AGBL4: variants seen among roughly 807,000 people sequenced by gnomAD.
The protein encoded by AGBL4 is AGBL carboxypeptidase 4, also known as cytosolic carboxypeptidase 6.
Under a neutral mutation model 66.4 loss-of-function variants are expected in AGBL4, and 58 were observed. That is an observed-to-expected ratio of 0.87 (90% CI 0.71 to 1.09). The LOEUF is 1.09. AGBL4 is among the 50% of genes least tolerant of loss of function. AGBL4 has a pLI of 0.00. For missense variants in AGBL4, 579 were observed against 631.0 expected (o/e 0.92, Z 0.88); for synonymous variants, 234 against 222.9 (o/e 1.05, Z -0.44).
intron 5 of AGBL4, among the ~76,000 whole-genome samples, chr1:49,008,016 A>C (rs527846466): frequency 5.2e-4 from 79 of 152,276 alleles, no homozygotes; most frequent in African/African-American, 1.5e-3. Context: ...GGATCAAATT[A>C]ACACATAACG....
chr1:49,765,687 A>G (rs948281500), intron 2 of AGBL4, among the ~76,000 whole-genome samples: 4 of 152,134 alleles, frequency 2.6e-5, no homozygotes, highest in Non-Finnish European at 5.9e-5. Flanking sequence ...TGCTGAAAAC[A>G]CAAAAAAGCT....
intron 5 of AGBL4, among the ~76,000 whole-genome samples, chr1:48,929,554 A>T (rs896723709): frequency 3.3e-5 from 5 of 152,200 alleles, no homozygotes; most frequent in Non-Finnish European, 5.9e-5. Context: ...CTTTTCACTC[A>T]TGGCAACTTG....
chr1:49,973,836 T>C (rs1658344153), intron 1 of AGBL4, among the ~76,000 whole-genome samples: 1 of 151,472 alleles, frequency 6.6e-6, no homozygotes, highest in African/African-American at 2.4e-5. Flanking sequence ...TTAACATGAT[T>C]TTATTGAATT....
intron 2 of AGBL4, among the ~76,000 whole-genome samples, chr1:49,797,259 A>G (rs1387867493): frequency 6.6e-6 from 1 of 152,174 alleles, no homozygotes; most frequent in Non-Finnish European, 1.5e-5. Flanking sequence ...AAGTTGCACA[A>G]ATCAGTGATG....
chr1:49,268,552 C>T (rs760651316), intron 3 of AGBL4, among the ~76,000 whole-genome samples: 5 of 152,012 alleles, frequency 3.3e-5, no homozygotes, highest in Non-Finnish European at 7.4e-5. Flanking sequence ...CTGCCTCAGA[C>T]TCCCAAGTAA....
rs556747638 is a variant in AGBL4, at chr1:49,510,735, T to C, written c.282+186578A>G. ...GTTTTAGGTCTAATGTTTAAGTCTT[T>C]AATCCAACTTGAATTGATTTTTGTA... On this transcript the variant is annotated intron_variant, in intron 3 of 13. Transcript: ENST00000371839. Among the ~76,000 whole-genome samples the C allele has an allele frequency of 1.2e-4, 18 of 152,016 alleles. No homozygotes were observed. The East Asian group carries it at 3.5e-3, about 29-fold the overall frequency.
chr1:48,749,917 G>C (rs923473333), intron 6 of AGBL4, among the ~76,000 whole-genome samples: 1 of 152,218 alleles, frequency 6.6e-6, no homozygotes, highest in Non-Finnish European at 1.5e-5. Context: ...GGGTTGGGGG[G>C]CTAAGGAGTT....
intron 3 of AGBL4, among the ~76,000 whole-genome samples, chr1:49,650,339 G>C (rs1011472184): frequency 6.6e-6 from 1 of 152,148 alleles, no homozygotes; most frequent in East Asian, 1.9e-4. Flanking sequence ...CCACAGAAAG[G>C]GTAAGTGAGA....
intron 5 of AGBL4, among the ~76,000 whole-genome samples, chr1:48,896,465 T>C (rs893908364): frequency 2.0e-5 from 3 of 152,260 alleles, no homozygotes; most frequent in Non-Finnish European, 4.4e-5. Flanking sequence ...AGCTGGCCTA[T>C]GTAGCTTAAT....
rs115294095 is a variant in AGBL4, at chr1:49,308,918, T to C, written c.283-63054A>G. 7.1e-3 allele frequency among the ~76,000 whole-genome samples: 1,076 copies of C among 152,268 alleles called. 18 individuals carry two copies. Among genetic ancestry groups the C allele is most frequent in the African/African-American group, 0.025 (1,042 of 41,560 alleles). On this transcript the variant is annotated intron_variant, in intron 3 of 13. Transcript: ENST00000371839. ...AATTAATCTCACTGAATCAGACAGA[T>C]TGCATCCAGGTTATACCTCTCAGAC...
At chr1:49,850,001 A>G (rs1166061088) in intron 2 of AGBL4, among the ~76,000 whole-genome samples, 1 of 152,212 alleles carries the variant, frequency 6.6e-6, no homozygotes, top group Non-Finnish European at 1.5e-5. Flanking sequence ...CAAGATTTAT[A>G]GAAAATAAAA....
intron 4 of AGBL4, among the ~76,000 whole-genome samples, chr1:49,159,042 TG>T (rs991807918): frequency 1.3e-5 from 2 of 151,252 alleles, no homozygotes; most frequent in African/African-American, 4.9e-5. Flanking sequence ...GTCTTTTAAT[TG>T]GGGCATTTAG....
intron 9 of AGBL4, among the ~76,000 whole-genome samples, chr1:48,633,999 C>G (rs1645630273): frequency 6.6e-6 from 1 of 152,202 alleles, no homozygotes; most frequent in South Asian, 2.1e-4. Context: ...GTCCTCCCGA[C>G]TAGGTCAATC....
chr1:49,777,283 ACAC>A (rs1644222276), intron 2 of AGBL4, among the ~76,000 whole-genome samples: 1 of 152,144 alleles, frequency 6.6e-6, no homozygotes, highest in Non-Finnish European at 1.5e-5. Flanking sequence ...TAGCTTTATA[ACAC>A]TGTTTAAATT....
At chr1:48,908,728 G>C (rs1212007603) in intron 5 of AGBL4, among the ~76,000 whole-genome samples, 1 of 151,944 alleles carries the variant, frequency 6.6e-6, no homozygotes, top group African/African-American at 2.4e-5. Flanking sequence ...AGGGAGGGCT[G>C]GTAATGAAAC....
In AGBL4 at chr1:48,749,680, C is replaced by A. The variant is rs115949629; in HGVS notation, c.635-86439G>T. 1.6e-3 allele frequency among the ~76,000 whole-genome samples: 247 copies of A among 152,214 alleles called. 1 individual carries two copies. Among genetic ancestry groups the A allele is most frequent in the Non-Finnish European group, 2.4e-3 (161 of 68,014 alleles). ...AAAAGCCCCACAATCATGAGGGGTG[C>A]GGTGGAAGGGGAATAGGTTGTCACC... On this transcript the variant is annotated intron_variant, in intron 6 of 13. Transcript: ENST00000371839.
At chr1:49,740,809 A>C (rs1259109320) in intron 2 of AGBL4, among the ~76,000 whole-genome samples, 1 of 152,226 alleles carries the variant, frequency 6.6e-6, no homozygotes, top group Admixed American at 6.5e-5. Context: ...TACTGGGTAC[A>C]TAACGAAATG....
intron 1 of AGBL4, among the ~76,000 whole-genome samples, chr1:49,931,192 C>G (rs1653311870): frequency 6.6e-6 from 1 of 151,916 alleles, no homozygotes; most frequent in Non-Finnish European, 1.5e-5. Flanking sequence ...TAAATTTGAA[C>G]AAAGACATAC....
intron 1 of AGBL4, among the ~76,000 whole-genome samples, chr1:49,948,372 AATATATAAAT>A (rs1364172693): frequency 1.1e-4 from 12 of 106,388 alleles, no homozygotes; most frequent in South Asian, 8.1e-4. Context: ...AAATACATAA[AATATATAAAT>A]ATATATAAAT....
Sources: allele counts gnomAD v4.1 joint callset (sites outside exome capture counted in the v4.1 genomes callset), GRCh38; gene constraint gnomAD v4.1.1; transcripts MANE v1.5; gene names NCBI Gene and HGNC (gene_info 2026-07-23, HGNC 2026-07-21).